Variants in RHOT1 observed in about 807,000 individuals in gnomAD.
RHOT1 encodes mitochondrial Rho GTPase 1.
Under a neutral mutation model 95.3 loss-of-function variants are expected in RHOT1, and 27 were observed. The ratio of observed to expected loss-of-function variants is 0.28; its 90% CI spans 0.21 to 0.39. RHOT1 has a LOEUF of 0.39. Among genes scored for constraint, RHOT1 ranks in the 10% least tolerant of loss-of-function variants. The pLI is 1.00. For missense variants in RHOT1, 578 were observed against 786.7 expected (o/e 0.73, Z 3.17); for synonymous variants, 227 against 263.5 (o/e 0.86, Z 1.34).
chr17:32,209,549 A>G (rs1412121183), intron 18 of RHOT1: 1 of 664,618 alleles, frequency 1.5e-6, no homozygotes, highest in Non-Finnish European at 2.6e-6. Flanking sequence ...GTAATTATGT[A>G]GAAACGCACT....
At chr17:32,191,038 GCA>G (rs2036453110) in intron 8 of RHOT1, among the ~76,000 whole-genome samples, 1 of 152,142 alleles carries the variant, frequency 6.6e-6, no homozygotes, top group African/African-American at 2.4e-5. Flanking sequence ...CAGGTGATCT[GCA>G]CTCCTCGGCC....
intron 1 of RHOT1, among the ~76,000 whole-genome samples, chr17:32,156,406 A>G (rs2032969154): frequency 6.6e-6 from 1 of 152,186 alleles, no homozygotes; most frequent in African/African-American, 2.4e-5. Context: ...AGCTGGGACT[A>G]CAAGCACACG....
Position 32,193,240 on chromosome 17 carries a change from G to A in RHOT1, c.744G>A (p.Leu248=). ...GTGTGGCTGACAGTGGGTTGACCCT[G>A]AAAGGTGGGTAAATGGTATTTTTCC... is the stretch of plus-strand genomic sequence containing the variant. ...SDGVADSGLT[L]KGFLFLHTLF... The change falls in exon 10 of 20, where the codon CTG becomes CTA. Residue 248 remains leucine, a synonymous_variant. Coordinates refer to ENST00000545287, the MANE Select transcript of RHOT1 (RefSeq NM_001033566.3). The A allele has an allele frequency of 6.3e-7, 1 of 1,598,428 alleles. No homozygotes were observed. The highest frequency in any genetic ancestry group is 8.6e-7 in the Non-Finnish European group (1 of 1,166,866).
chr17:32,171,254 T>C (rs1254283328), intron 2 of RHOT1, among the ~76,000 whole-genome samples, 153 bp downstream of exon 2: 1 of 152,192 alleles, frequency 6.6e-6, no homozygotes, highest in Non-Finnish European at 1.5e-5. Context: ...AGGGTCTCAC[T>C]CTATTGCCCA....
chr17:32,175,168 T>C (rs1283743311), intron 3 of RHOT1, 151 bp from the exon 4 acceptor site: 2 of 644,690 alleles, frequency 3.1e-6, no homozygotes, highest in East Asian at 5.6e-5. Context: ...TTATCGTAGT[T>C]GAACCTTTTC....
At chr17:32,203,809 C>T in intron 15 of RHOT1, 81 bp from the exon 16 acceptor site, 1 of 940,952 alleles carries the variant, frequency 1.1e-6, no homozygotes. Flanking sequence ...TTATAACACA[C>T]CTGCACATAT....
chr17:32,211,046 TGG>T, intron 18 of RHOT1, 68 bp from the exon 19 acceptor site: 1 of 1,464,104 alleles, frequency 6.8e-7, no homozygotes, highest in South Asian at 1.4e-5. Flanking sequence ...TTTTTTAAGT[TGG>T]CACACCCTGA....
At position 32,142,610 on chromosome 17, in the gene RHOT1, G is replaced by A; in HGVS notation, c.-83G>A. 7.9e-7 allele frequency: 1 copy of A among 1,263,148 alleles called. No homozygotes were observed. Among genetic ancestry groups the A allele is most frequent in the Non-Finnish European group, 1.0e-6 (1 of 960,004 alleles). 78.2% of individuals were successfully genotyped at this position (1,263,148 alleles called of 1,614,324 possible). A position where few individuals can be genotyped will look rare whatever the true frequency, so the allele number is the denominator to read the frequency against. The stretch of plus-strand genomic sequence containing the variant: ...CCCCGGCGGCCGAAGAGGCTGGCAG[G>A]TGGCGCCGTGGGGTGGGTGCTCCTG... On this transcript the variant is annotated 5_prime_UTR_variant, in exon 1 of 20. The change creates a new upstream start codon in the 5' untranslated region. Coordinates refer to ENST00000545287, the MANE Select transcript of RHOT1 (RefSeq NM_001033566.3).
Position 32,142,660 on chromosome 17 carries a change from G to C in RHOT1, c.-33G>C, listed in dbSNP as rs1250756885. The stretch of plus-strand genomic sequence containing the variant: ...GGTGAGAGGAGTCCACTCCGTGCGT[G>C]CGGGCGGAGGCCGGCCCCCGAGAGC... On this transcript the variant is annotated 5_prime_UTR_variant, in exon 1 of 20. Coordinates refer to ENST00000545287, the MANE Select transcript of RHOT1 (RefSeq NM_001033566.3). 2.0e-6 allele frequency: 3 copies of C among 1,520,066 alleles called. No individual in the cohort carries two copies. The highest frequency in any genetic ancestry group is 4.7e-4 in the Middle Eastern group (2 of 4,256). The allele number at this position is 1,520,066 out of a possible 1,614,324, so 94.2% of individuals were successfully genotyped here.
chr17:32,149,635 A>ATATATGTGTGTGTGTGTGTGTG (rs1445281403), intron 1 of RHOT1, among the ~76,000 whole-genome samples: 4 of 59,092 alleles, frequency 6.8e-5, no homozygotes, highest in Non-Finnish European at 1.4e-4. Flanking sequence ...ATATATATAT[A>ATATATGTGTGTGTGTGTGTGTG]TGTGTGTGTG....
chr17:32,210,378 A>G (rs1406913512), intron 18 of RHOT1, among the ~76,000 whole-genome samples: 5 of 152,226 alleles, frequency 3.3e-5, no homozygotes, highest in African/African-American at 7.2e-5. Context: ...TCAACCAGAA[A>G]GGAGTCAGAA....
At chr17:32,202,056 C>A (rs1406466394) in intron 14 of RHOT1, among the ~76,000 whole-genome samples, 1 of 152,136 alleles carries the variant, frequency 6.6e-6, no homozygotes, top group Admixed American at 6.6e-5. Flanking sequence ...GGACTACAGG[C>A]ATGCACCACC....
chr17:32,201,017 A>T lies in RHOT1; in HGVS notation c.1162A>T (p.Ile388Leu). ...ATATTTGGGCTATCTAGGCTATTCA[A>T]TATTGACTGAGCAAGAGTCTCAAGC... Reference protein sequence around the residue: ...LEYLGYLGYSILTEQESQASA... With the variant: ...LEYLGYLGYSLLTEQESQASA... Residue 388 changes from isoleucine to leucine, a missense_variant, in exon 14 of 20, where the codon ATA becomes TTA. Transcript: ENST00000545287. 1 of 1,611,942 alleles carries T rather than the reference A, an allele frequency of 6.2e-7. No homozygotes were observed. The highest frequency in any genetic ancestry group is 1.1e-5 in the South Asian group (1 of 90,688).
chr17:32,173,810 TATA>T lies in RHOT1; in HGVS notation c.97-20_97-18del. ...ATATTCAAAGGTGTTTTTTTTTTTC[TATA>T]TTTGTTTGTAAATGAAGGTTCCTCC... is the stretch of plus-strand genomic sequence containing the variant. On this transcript the variant is annotated intron_variant, in intron 2 of 19. Coordinates refer to ENST00000545287, the MANE Select transcript of RHOT1 (RefSeq NM_001033566.3). 1 of 1,523,370 alleles carries T rather than the reference TATA, an allele frequency of 6.6e-7. No individual in the cohort carries two copies. The highest frequency in any genetic ancestry group is 1.9e-5 in the Admixed American group (1 of 53,432). 94.4% of individuals were successfully genotyped at this position (1,523,370 alleles called of 1,614,324 possible). A position where few individuals can be genotyped will look rare whatever the true frequency, so the allele number is the denominator to read the frequency against.
At chr17:32,177,828 C>CTT (rs1200853876) in intron 6 of RHOT1, among the ~76,000 whole-genome samples, 2 of 137,406 alleles carry the variant, frequency 1.5e-5, no homozygotes, top group Admixed American at 7.3e-5. Context: ...TTTCTTTCTT[C>CTT]TTTTTTTTTT....
At chr17:32,200,558 A>C (rs1239619663) in intron 13 of RHOT1, among the ~76,000 whole-genome samples, 1 of 152,098 alleles carries the variant, frequency 6.6e-6, no homozygotes, top group Admixed American at 6.6e-5. Context: ...CAGGAGTTCA[A>C]GACCAGCCTA....
intron 6 of RHOT1, among the ~76,000 whole-genome samples, chr17:32,182,198 G>C (rs1405277328): frequency 6.6e-6 from 1 of 151,876 alleles, no homozygotes; most frequent in African/African-American, 2.4e-5. Flanking sequence ...TTCACTATTG[G>C]AATGATCAGG....
chr17:32,188,270 C>G (rs1330751283), intron 8 of RHOT1, among the ~76,000 whole-genome samples: 2 of 152,226 alleles, frequency 1.3e-5, no homozygotes, highest in African/African-American at 2.4e-5. Flanking sequence ...ACAGTTCCAG[C>G]ATCATCTTTT....
intron 1 of RHOT1, among the ~76,000 whole-genome samples, chr17:32,146,899 ATTT>A (rs71144808): frequency 6.1e-5 from 6 of 98,024 alleles, no homozygotes; most frequent in Non-Finnish European, 5.9e-5. Flanking sequence ...ATTTTTGTAA[ATTT>A]TTTTTTTTTT....
Sources: allele counts gnomAD v4.1 joint callset (sites outside exome capture counted in the v4.1 genomes callset), GRCh38; gene constraint gnomAD v4.1.1; transcripts MANE v1.5; gene names NCBI Gene and HGNC (gene_info 2026-07-23, HGNC 2026-07-21).